PAIP2: variants seen among roughly 807,000 people sequenced by gnomAD.
PAIP2 encodes polyadenylate-binding protein-interacting protein 2.
Under a neutral mutation model 14.8 loss-of-function variants are expected in PAIP2, and 7 were observed. The observed-to-expected ratio is 0.47, with a 90% CI of 0.27 to 0.89. PAIP2 has a LOEUF of 0.89. Among genes scored for constraint, PAIP2 ranks in the 40% least tolerant of loss-of-function variants. The pLI is 0.13. For missense variants in PAIP2, 122 were observed against 154.7 expected, an observed-to-expected ratio of 0.79 and a Z score of 1.12; for synonymous variants, 47 against 45.3, an observed-to-expected ratio of 1.04 and a Z score of -0.15.
intron 1 of PAIP2, among the ~76,000 whole-genome samples, chr5:139,362,792 C>A (rs746009619): frequency 6.6e-6 from 1 of 151,876 alleles, no homozygotes. Flanking sequence ...CACCTGCCCC[C>A]GCCTCCCAAA....
intron 1 of PAIP2, among the ~76,000 whole-genome samples, chr5:139,345,503 C>T (rs1044867762): frequency 1.6e-4 from 25 of 151,750 alleles, no homozygotes; most frequent in Admixed American, 1.1e-3. Flanking sequence ...GCGTAAAATA[C>T]GATTAAAAAA....
At chr5:139,345,380 A>C (rs1468797082) in intron 1 of PAIP2, among the ~76,000 whole-genome samples, 1 of 152,152 alleles carries the variant, frequency 6.6e-6, no homozygotes, top group Non-Finnish European at 1.5e-5. Context: ...TGTGCCAAAT[A>C]GTAAAACAAA....
chr5:139,368,774 T>C lies in PAIP2; in HGVS notation c.360T>C (p.Pro120=), dbSNP rs954605254. The change falls in exon 4 of 4, where the codon CCT becomes CCC. Residue 120 remains proline, a synonymous_variant. Transcript: ENST00000265192. ...ATCCAAATGCAAAGGAGTTTGTTCC[T>C]GGGGTGAAGTACGGAAATATTTGAG... is the stretch of plus-strand genomic sequence containing the variant. ...NLNPNAKEFV[P]GVKYGNI The C allele has an allele frequency of 1.2e-6, 2 of 1,613,354 alleles. No homozygotes were observed. Among genetic ancestry groups the C allele is most frequent in the Admixed American group, 1.7e-5 (1 of 59,988 alleles).
At chr5:139,358,121 C>G (rs1050669950) in intron 1 of PAIP2, among the ~76,000 whole-genome samples, 2 of 152,160 alleles carry the variant, frequency 1.3e-5, no homozygotes, top group Non-Finnish European at 2.9e-5. Flanking sequence ...CCTCAGACTC[C>G]CAAAGTGCTG....
At chr5:139,351,687 TCA>T (rs2152047690) in intron 1 of PAIP2, among the ~76,000 whole-genome samples, 1 of 152,270 alleles carries the variant, frequency 6.6e-6, no homozygotes, top group Non-Finnish European at 1.5e-5. Context: ...TTCATCCCTG[TCA>T]CTCTTTTTTT....
intron 1 of PAIP2, among the ~76,000 whole-genome samples, chr5:139,357,919 G>T (rs1756962657): frequency 6.6e-6 from 1 of 152,180 alleles, no homozygotes; most frequent in Non-Finnish European, 1.5e-5. Context: ...AGCTGCAAAT[G>T]GGAGATGGCA....
intron 1 of PAIP2, among the ~76,000 whole-genome samples, chr5:139,352,596 C>A (rs1338752592): frequency 1.4e-5 from 2 of 147,990 alleles, no homozygotes; most frequent in East Asian, 4.0e-4. Flanking sequence ...CTCAGCCTCC[C>A]GAGTAGCTGT....
intron 1 of PAIP2, among the ~76,000 whole-genome samples, chr5:139,355,382 G>T (rs182841113): frequency 2.8e-4 from 43 of 152,018 alleles, no homozygotes; most frequent in Admixed American, 5.9e-4. Flanking sequence ...ATGTTGTCCA[G>T]GCTGGGCTTG....
At chr5:139,355,949 A>G (rs1756896985) in intron 1 of PAIP2, among the ~76,000 whole-genome samples, 1 of 151,504 alleles carries the variant, frequency 6.6e-6, no homozygotes, top group Non-Finnish European at 1.5e-5. Flanking sequence ...CAGGCTGGCC[A>G]ACATGGTGAA....
At chr5:139,350,175 C>CAA (rs1223498671) in intron 1 of PAIP2, among the ~76,000 whole-genome samples, 8 of 66,570 alleles carry the variant, frequency 1.2e-4, no homozygotes, top group African/African-American at 1.1e-4. Context: ...GACTCTGTCT[C>CAA]AAAAAAAAAA....
intron 1 of PAIP2, among the ~76,000 whole-genome samples, chr5:139,347,664 G>A (rs998932591): frequency 2.6e-5 from 4 of 151,990 alleles, no homozygotes; most frequent in Non-Finnish European, 5.9e-5. Context: ...AATGGGTGCA[G>A]CACACCAGCA....
At chr5:139,356,402 C>T (rs947212456) in intron 1 of PAIP2, among the ~76,000 whole-genome samples, 1 of 146,014 alleles carries the variant, frequency 6.8e-6, no homozygotes, top group Non-Finnish European at 1.5e-5. Flanking sequence ...GCCAAGATCG[C>T]GCCATTGCAC....
rs1757508876 is a variant in PAIP2, at chr5:139,369,373, T to A, written c.*575T>A. 1 of 152,798 alleles carries A rather than the reference T, an allele frequency of 6.5e-6. No homozygotes were observed. The highest frequency in any genetic ancestry group is 1.5e-5 in the Non-Finnish European group (1 of 68,168). 9.5% of individuals were successfully genotyped at this position (152,798 alleles called of 1,614,324 possible). On this transcript the variant is annotated 3_prime_UTR_variant, in exon 4 of 4. Coordinates refer to ENST00000265192, the MANE Select transcript of PAIP2 (RefSeq NM_016480.5). ...AGAAATATTGAGTTCTAATGTTACA[T>A]CTGAGGAAGTATGTAATTTGAGAAT...
At chr5:139,368,340 A>AT (rs2152058987) in intron 3 of PAIP2, among the ~76,000 whole-genome samples, 1 of 151,886 alleles carries the variant, frequency 6.6e-6, no homozygotes, top group Non-Finnish European at 1.5e-5. Flanking sequence ...ACTCCGTCTC[A>AT]TAAAAAAAAA....
At chr5:139,361,935 CAAA>C (rs34168919) in intron 1 of PAIP2, among the ~76,000 whole-genome samples, 5 of 100,010 alleles carry the variant, frequency 5.0e-5, no homozygotes, top group Non-Finnish European at 5.6e-5. Context: ...GACCCTGTCT[CAAA>C]AAAAAAAAAA....
intron 3 of PAIP2, among the ~76,000 whole-genome samples, chr5:139,365,353 G>A (rs966970665): frequency 6.6e-6 from 1 of 151,734 alleles, no homozygotes; most frequent in African/African-American, 2.4e-5. Flanking sequence ...GGGTGTGGTG[G>A]TGCATGCCTG....
rs1756508026 is a variant in PAIP2 at position 139,345,363 on chromosome 5, A to G, written c.-27+3383A>G. On this transcript the variant is annotated intron_variant, in intron 1 of 3. Transcript: ENST00000265192. The stretch of plus-strand genomic sequence containing the variant: ...CCAGAGCCCATGTTTTTTAATCGTT[A>G]CCTTACTGTGCCAAATAGTAAAACA... 2.0e-5 allele frequency among the ~76,000 whole-genome samples: 3 copies of G among 152,034 alleles called. No homozygotes were observed. In the South Asian group the frequency reaches 6.2e-4, roughly 32 times the overall value.
intron 1 of PAIP2, among the ~76,000 whole-genome samples, chr5:139,357,456 G>T (rs1756948058): frequency 6.6e-6 from 1 of 152,080 alleles, no homozygotes; most frequent in Non-Finnish European, 1.5e-5. Context: ...GTGTGCTACT[G>T]CCCCACCTCA....
chr5:139,345,395 T>G (rs994402393), intron 1 of PAIP2, among the ~76,000 whole-genome samples: 2 of 152,158 alleles, frequency 1.3e-5, no homozygotes, highest in Non-Finnish European at 2.9e-5. Flanking sequence ...AACAAAAAAT[T>G]CGGTGCTTTT....
Sources: gnomAD v4.1 joint callset for allele counts (sites outside exome capture counted in the v4.1 genomes callset) on GRCh38, gnomAD v4.1.1 for gene constraint, MANE v1.5 for transcripts, NCBI Gene and HGNC (gene_info 2026-07-23, HGNC 2026-07-21) for gene names.